Variants in EPS8 observed in about 807,000 individuals in gnomAD.
EPS8 encodes EGFR pathway substrate 8, signaling adaptor.
Under a neutral mutation model 103.8 loss-of-function variants are expected in EPS8, and 42 were observed. That is an observed-to-expected ratio of 0.40 (90% confidence interval 0.32 to 0.52). The LOEUF (loss-of-function observed/expected upper bound fraction) is 0.52, where lower values mean the gene tolerates loss of function less well. Among genes scored for constraint, EPS8 ranks in the 20% least tolerant of loss-of-function variants. EPS8 has a pLI of 0.40. For missense variants in EPS8, 969 were observed against 1,005.1 expected, an observed-to-expected ratio of 0.96 and a Z score of 0.49; for synonymous variants, 344 against 344.6, an observed-to-expected ratio of 1.00 and a Z score of 0.02.
Position 15,698,604 on chromosome 12 carries a change from C to T in EPS8, c.-21-15632G>A, listed in dbSNP as rs111635518. ...CTGCTAAGAAGCCCCAGGAATAGCA[C>T]GTACCGGCACATAGTAGCACATTCA... On this transcript the variant is annotated intron_variant, in intron 1 of 20. Coordinates refer to ENST00000281172, the MANE Select transcript of EPS8 (RefSeq NM_004447.6). This position sits in a 1 kb window ranked among gnomAD's most constrained non-coding sequence, Gnocchi z 4.9. Among the ~76,000 whole-genome samples the T allele has an allele frequency of 1.3e-5, 2 of 152,028 alleles. No individual in the cohort carries two copies. The highest frequency in any genetic ancestry group is 4.8e-5 in the African/African-American group (2 of 41,476).
intron 1 of EPS8, among the ~76,000 whole-genome samples, chr12:15,770,056 T>C (rs1383788921): frequency 6.6e-6 from 1 of 151,336 alleles, no homozygotes; most frequent in African/African-American, 2.4e-5. Flanking sequence ...AATCCTCTCA[T>C]ATCAGCCTCT....
intron 13 of EPS8, among the ~76,000 whole-genome samples, chr12:15,651,907 C>A (rs1945421762): frequency 1.3e-5 from 2 of 151,984 alleles, no homozygotes; most frequent in African/African-American, 4.8e-5. Context: ...TAACAGCTAA[C>A]AATATATTTC....
chr12:15,663,289 G>A (rs188211653), intron 8 of EPS8, among the ~76,000 whole-genome samples: 20 of 152,188 alleles, frequency 1.3e-4, no homozygotes, highest in Admixed American at 4.6e-4. Flanking sequence ...TCTGAAACAC[G>A]ACTAGGAACC....
chr12:15,633,655 C>A (rs1010528050), intron 17 of EPS8, among the ~76,000 whole-genome samples: 1 of 152,144 alleles, frequency 6.6e-6, no homozygotes. Context: ...GTTTAAAATA[C>A]ATATTTGATT....
chr12:15,652,972 A>G (rs1386475775), intron 13 of EPS8, among the ~76,000 whole-genome samples: 2 of 152,370 alleles, frequency 1.3e-5, no homozygotes, highest in African/African-American at 4.8e-5. Flanking sequence ...TTAGATAAAT[A>G]AGCAAAGCAA....
At chr12:15,626,228 G>A (rs1333904373) in intron 18 of EPS8, among the ~76,000 whole-genome samples, 1 of 151,976 alleles carries the variant, frequency 6.6e-6, no homozygotes, top group Admixed American at 6.6e-5. Flanking sequence ...TTTTTCTGTT[G>A]CCAGCTTGGT....
chr12:15,672,385 A>G (rs997014888), intron 3 of EPS8: 1 of 397,606 alleles, frequency 2.5e-6, no homozygotes, highest in Admixed American at 4.4e-5. Context: ...AATACACTCC[A>G]TTTTTGCTTT....
At position 15,747,984 on chromosome 12, in the gene EPS8, C is replaced by T. The variant is rs1342622767; in HGVS notation, c.-22+41177G>A. Among the ~76,000 whole-genome samples the T allele has an allele frequency of 6.6e-6, 1 of 152,110 alleles. No individual in the cohort carries two copies. Among genetic ancestry groups the T allele is most frequent in the Non-Finnish European group, 1.5e-5 (1 of 68,020 alleles). The stretch of plus-strand genomic sequence containing the variant: ...GCAGTGAGCCGAGATCACACCACTG[C>T]ACTCCAGCCTTGGCAACAGAGCAAG... On this transcript the variant is annotated intron_variant, in intron 1 of 20. Coordinates refer to ENST00000281172, the MANE Select transcript of EPS8 (RefSeq NM_004447.6). The surrounding 1 kb of genome is among the most constrained non-coding windows in gnomAD (Gnocchi z 4.4).
chr12:15,674,385 AC>A (rs1591843178), intron 3 of EPS8, among the ~76,000 whole-genome samples: 1 of 152,198 alleles, frequency 6.6e-6, no homozygotes, highest in Non-Finnish European at 1.5e-5. Context: ...CTTTATACTT[AC>A]AAAAACTTTC....
At position 15,769,973 on chromosome 12, in the gene EPS8, C is replaced by T. The variant is rs554369741; in HGVS notation, c.-22+19188G>A. 1.3e-5 allele frequency among the ~76,000 whole-genome samples: 2 copies of T among 149,682 alleles called. No homozygotes were observed. Among genetic ancestry groups the T allele is most frequent in the South Asian group, 4.3e-4 (2 of 4,664 alleles). ...TTTTTCTTTTTTGAGACTAGGGTCT[C>T]GCTCTTTCACCCATGCTGCAGTGTA... On this transcript the variant is annotated intron_variant, in intron 1 of 20. Transcript: ENST00000281172. The surrounding 1 kb of genome is among the most constrained non-coding windows in gnomAD (Gnocchi z 4.6).
Position 15,779,245 on chromosome 12 carries a change from T to C in EPS8, c.-22+9916A>G, listed in dbSNP as rs1229698423. On this transcript the variant is annotated intron_variant, in intron 1 of 20. Transcript: ENST00000281172. The surrounding 1 kb of genome is among the most constrained non-coding windows in gnomAD (Gnocchi z 4.3). ...CGCCTGCCTCGGCTTCCCAAAATGC[T>C]GGGATTACAGGCGTGAGCCACCTTG... is the stretch of plus-strand genomic sequence containing the variant. 6.6e-6 allele frequency among the ~76,000 whole-genome samples: 1 copy of C among 152,238 alleles called. No homozygotes were observed. Among genetic ancestry groups the C allele is most frequent in the Non-Finnish European group, 1.5e-5 (1 of 68,036 alleles).
rs1358921308 is a variant in EPS8 at position 15,771,756 on chromosome 12, G to T, written c.-22+17405C>A. Among the ~76,000 whole-genome samples the T allele has an allele frequency of 6.6e-6, 1 of 151,768 alleles. No homozygotes were observed. The highest frequency in any genetic ancestry group is 1.9e-4 in the East Asian group (1 of 5,178). ...AGAAAAAGAAAAGAAATTCTTCCTAGAACTGAACTATTTTTGTGGCTAACT... is the reference window on the plus strand; with the variant it reads ...AGAAAAAGAAAAGAAATTCTTCCTATAACTGAACTATTTTTGTGGCTAACT... On this transcript the variant is annotated intron_variant, in intron 1 of 20. Transcript: ENST00000281172. This position sits in a 1 kb window ranked among gnomAD's most constrained non-coding sequence, Gnocchi z 4.6.
intron 13 of EPS8, 73 bp from the exon 14 acceptor site, chr12:15,651,079 AG>A: frequency 1.6e-6 from 2 of 1,238,958 alleles, no homozygotes; most frequent in Non-Finnish European, 1.2e-6. Context: ...ATCTTCAGTA[AG>A]GCTAGACATA....
chr12:15,647,269 CAA>C lies in EPS8; in HGVS notation c.1435-11_1435-10del. The C allele has an allele frequency of 1.2e-6, 2 of 1,607,306 alleles. No homozygotes were observed. Among genetic ancestry groups the C allele is most frequent in the Non-Finnish European group, 1.7e-6 (2 of 1,176,966 alleles). On this transcript the variant is annotated splice_polypyrimidine_tract_variant and intron_variant, in intron 14 of 20. Coordinates refer to ENST00000281172, the MANE Select transcript of EPS8 (RefSeq NM_004447.6). ...TCTGATACACTGGAATGCTGAAAGACAAAGTGGGGCAGATTAAAGAATCACCA... is the reference window on the plus strand; with the variant it reads ...TCTGATACACTGGAATGCTGAAAGACAGTGGGGCAGATTAAAGAATCACCA...
At chr12:15,651,939 T>A (rs1039718093) in intron 13 of EPS8, among the ~76,000 whole-genome samples, 1 of 152,182 alleles carries the variant, frequency 6.6e-6, no homozygotes, top group Non-Finnish European at 1.5e-5. Context: ...GTTTTTTGAA[T>A]GTTAATTAAT....
In EPS8 at chr12:15,734,402, A is replaced by G. The variant is rs2135997714; in HGVS notation, c.-21-51430T>C. On this transcript the variant is annotated intron_variant, in intron 1 of 20. Coordinates refer to ENST00000281172, the MANE Select transcript of EPS8 (RefSeq NM_004447.6). This position sits in a 1 kb window ranked among gnomAD's most constrained non-coding sequence, Gnocchi z 4.1. ...ACATTCAAAAGTTTCATGCTTAAAA[A>G]GATTCTCTGTGGTTGGGCACGGTGG... is the stretch of plus-strand genomic sequence containing the variant. Among the ~76,000 whole-genome samples the G allele has an allele frequency of 2.0e-5, 3 of 152,308 alleles. No homozygotes were observed.
intron 18 of EPS8, among the ~76,000 whole-genome samples, chr12:15,627,093 G>A (rs1333037124): frequency 1.3e-5 from 2 of 151,916 alleles, no homozygotes; most frequent in Admixed American, 6.6e-5. Context: ...TCCGCCTCCT[G>A]GGTTCAAGCG....
At position 15,779,492 on chromosome 12, in the gene EPS8, T is replaced by C. The variant is rs74063372; in HGVS notation, c.-22+9669A>G. On this transcript the variant is annotated intron_variant, in intron 1 of 20. Transcript: ENST00000281172. The surrounding 1 kb of genome is among the most constrained non-coding windows in gnomAD (Gnocchi z 4.3). ...TCTCAAAAGAGACAGATTTTACACA[T>C]ATTTTTATTTGCAGCTTTGTTTTTC... Among the ~76,000 whole-genome samples, 3,006 of 152,336 alleles carry C rather than the reference T, an allele frequency of 0.02. 97 individuals carry two copies. The highest frequency in any genetic ancestry group is 0.069 in the African/African-American group (2,853 of 41,570).
In EPS8 at chr12:15,785,814, C is replaced by G. The variant is rs1227322946; in HGVS notation, c.-22+3347G>C. ...GAAATGCTTCCAAAAAAACAAAATT[C>G]ACATTGATGGTAGTATGTCAAAGAG... On this transcript the variant is annotated intron_variant, in intron 1 of 20. Transcript: ENST00000281172. The surrounding 1 kb of genome is among the most constrained non-coding windows in gnomAD (Gnocchi z 4.9). 6.6e-6 allele frequency among the ~76,000 whole-genome samples: 1 copy of G among 151,920 alleles called. No individual in the cohort carries two copies. Among genetic ancestry groups the G allele is most frequent in the Non-Finnish European group, 1.5e-5 (1 of 67,914 alleles).
Sources: gnomAD v4.1 joint callset for allele counts (sites outside exome capture counted in the v4.1 genomes callset) on GRCh38, gnomAD v4.1.1 for gene constraint, Gnocchi (gnomAD v3.1) non-coding constraint, MANE v1.5 for transcripts, NCBI Gene and HGNC (gene_info 2026-07-23, HGNC 2026-07-21) for gene names.